The following TMEM178A variants were observed in gnomAD, a reference collection of about 807,000 sequenced individuals.
TMEM178A encodes transmembrane protein 178A.
TMEM178A carries 12 observed loss-of-function variants against 29.1 expected under a neutral mutation model. That is an observed-to-expected ratio of 0.41 (90% CI 0.26 to 0.67). The LOEUF (loss-of-function observed/expected upper bound fraction) is 0.67. Among genes scored for constraint, TMEM178A ranks in the 30% least tolerant of loss-of-function variants. TMEM178A has a pLI of 0.29. For synonymous variants in TMEM178A, 210 were observed against 187.2 expected, an observed-to-expected ratio of 1.12 and a Z score of -0.99; for missense variants, 366 against 419.1, an observed-to-expected ratio of 0.87 and a Z score of 1.11.
chr2:39,721,648 T>C (rs897699807), downstream of TMEM178A, among the ~76,000 whole-genome samples: 1 of 152,048 alleles, frequency 6.6e-6, no homozygotes, highest in Non-Finnish European at 1.5e-5. Context: ...CTCTGGTAAT[T>C]GAAAACAAAC....
the TMEM178A span, among the ~76,000 whole-genome samples, chr2:39,723,626 A>G: frequency 0.016 from 2,408 of 152,296 alleles, 37 homozygotes; most frequent in Non-Finnish European, 0.023. Flanking sequence ...GGACTGCCTC[A>G]GTACCTCCTC....
At chr2:39,693,126 CGAAAACAAAAAT>C (rs1572671582) in intron 1 of TMEM178A, among the ~76,000 whole-genome samples, 1 of 151,954 alleles carries the variant, frequency 6.6e-6, no homozygotes, top group South Asian at 2.1e-4. Context: ...AAAACAAAAA[CGAAAACAAAAAT>C]GAAAACAAAA....
rs191870348 is a variant in TMEM178A, at chr2:39,691,217, C to T, written c.401-12864C>T. ...GCAGTGAACATCCAGATCCACAATG[C>T]TCAAAGAACCCTTAATAGGCTGAAC... is the stretch of plus-strand genomic sequence containing the variant. On this transcript the variant is annotated intron_variant, in intron 1 of 3. Transcript: ENST00000281961. 1.6e-3 allele frequency among the ~76,000 whole-genome samples: 241 copies of T among 152,254 alleles called. 1 individual carries two copies. Among genetic ancestry groups the T allele is most frequent in the African/African-American group, 5.6e-3 (232 of 41,552 alleles).
At chr2:39,688,028 A>C (rs1474346606) in intron 1 of TMEM178A, among the ~76,000 whole-genome samples, 1 of 152,204 alleles carries the variant, frequency 6.6e-6, no homozygotes, top group Non-Finnish European at 1.5e-5. Context: ...CAGATGAGGG[A>C]AATGTCAGTA....
rs1454772424 is a variant in TMEM178A at position 39,714,336 on chromosome 2, T to G, written c.653-2674T>G. ...AAATAAAACAAGTCTGCATCAAAGT[T>G]TGATGCGTGCCCTGTTCCAAAAAAA... On this transcript the variant is annotated intron_variant, in intron 3 of 3. Coordinates refer to ENST00000281961, the MANE Select transcript of TMEM178A (RefSeq NM_152390.3). Among the ~76,000 whole-genome samples, 8 of 151,988 alleles carry G rather than the reference T, an allele frequency of 5.3e-5. No homozygotes were observed. The East Asian group carries it at 1.5e-3, about 29-fold the overall frequency.
At chr2:39,711,402 C>G (rs1480785973) in intron 3 of TMEM178A, among the ~76,000 whole-genome samples, 1 of 152,158 alleles carries the variant, frequency 6.6e-6, no homozygotes, top group Non-Finnish European at 1.5e-5. Context: ...TTTTAATTCA[C>G]CAGGAGTCTT....
downstream of TMEM178A, among the ~76,000 whole-genome samples, chr2:39,722,492 G>A (rs907372400): frequency 3.9e-5 from 6 of 152,266 alleles, no homozygotes; most frequent in South Asian, 2.1e-4. Context: ...ATTCCTCTCT[G>A]ATTTCCAGTT....
Position 39,717,459 on chromosome 2 carries a change from C to A in TMEM178A, c.*208C>A. 1.7e-6 allele frequency: 1 copy of A among 583,296 alleles called. No homozygotes were observed. The highest frequency in any genetic ancestry group is 2.7e-6 in the Non-Finnish European group (1 of 365,608). 36.1% of individuals were successfully genotyped at this position (583,296 alleles called of 1,614,324 possible). A position where few individuals can be genotyped will look rare whatever the true frequency, so the allele number is the denominator to read the frequency against. ...TCAAGTGCTTTAATGACTATTTATG[C>A]GTTGACTGTGAGAATAGGGAGCAGT... On this transcript the variant is annotated 3_prime_UTR_variant, in exon 4 of 4. Coordinates refer to ENST00000281961, the MANE Select transcript of TMEM178A (RefSeq NM_152390.3).
At chr2:39,728,410 G>C in the TMEM178A span, among the ~76,000 whole-genome samples, 1 of 152,050 alleles carries the variant, frequency 6.6e-6, no homozygotes, top group Admixed American at 6.6e-5. Flanking sequence ...CAGATCTACA[G>C]GCATTTATTT....
rs1377457107 is a variant in TMEM178A, at chr2:39,717,772, T to C, written c.*521T>C. On this transcript the variant is annotated 3_prime_UTR_variant, in exon 4 of 4. Transcript: ENST00000281961. ...TGTCACAGGAAGATTCTTCTTCTGT[T>C]GCCTTATTGTTTTTTTTTTTTTAAG... 2 of 153,302 alleles carry C rather than the reference T, an allele frequency of 1.3e-5. No homozygotes were observed. The highest frequency in any genetic ancestry group is 2.9e-5 in the Non-Finnish European group (2 of 68,736). 9.5% of individuals were successfully genotyped at this position (153,302 alleles called of 1,614,324 possible). A position where few individuals can be genotyped will look rare whatever the true frequency, so the allele number is the denominator to read the frequency against.
chr2:39,685,041 G>A (rs1671014209), intron 1 of TMEM178A, among the ~76,000 whole-genome samples: 1 of 152,128 alleles, frequency 6.6e-6, no homozygotes, highest in Non-Finnish European at 1.5e-5. Flanking sequence ...TCATGCAAGG[G>A]CCACAGTAAA....
intron 2 of TMEM178A, among the ~76,000 whole-genome samples, chr2:39,705,712 C>T (rs79963641): frequency 6.6e-6 from 1 of 152,300 alleles, no homozygotes; most frequent in South Asian, 2.1e-4. Flanking sequence ...AATCCATCCT[C>T]CATGAAGCCG....
At chr2:39,686,177 A>G (rs1462599078) in intron 1 of TMEM178A, among the ~76,000 whole-genome samples, 1 of 152,142 alleles carries the variant, frequency 6.6e-6, no homozygotes, top group Non-Finnish European at 1.5e-5. Flanking sequence ...TGGAAAATTC[A>G]CGTACTTCTG....
Position 39,666,078 on chromosome 2 carries a change from A to G in TMEM178A, c.104A>G (p.Asp35Gly). The G allele has an allele frequency of 6.4e-7, 1 of 1,567,564 alleles. No individual in the cohort carries two copies. The highest frequency in any genetic ancestry group is 8.6e-7 in the Non-Finnish European group (1 of 1,160,722). Residue 35 changes from aspartate (D) to glycine (G), a missense_variant, in exon 1 of 4, where the codon GAC becomes GGC. Asp to Gly is a moderately conservative substitution (Grantham distance 94, BLOSUM62 -1). Coordinates refer to ENST00000281961, the MANE Select transcript of TMEM178A (RefSeq NM_152390.3). ...TTCACCGACCACTGGTACGAGACCG[A>G]CCCCCGGCGCCACAAGGAGAGCTGC... ...AIFTDHWYET[D>G]PRRHKESCER...
At chr2:39,702,669 CA>C (rs1671835714) in intron 1 of TMEM178A, among the ~76,000 whole-genome samples, 1 of 131,908 alleles carries the variant, frequency 7.6e-6, no homozygotes, top group African/African-American at 2.8e-5. Flanking sequence ...GTTGAAAAAA[CA>C]AATTAAAAAA....
intron 1 of TMEM178A, among the ~76,000 whole-genome samples, chr2:39,702,451 G>A (rs1671825316): frequency 6.6e-6 from 1 of 152,136 alleles, no homozygotes; most frequent in African/African-American, 2.4e-5. Context: ...CTCAGGGTCA[G>A]TCTGATGAGT....
intron 1 of TMEM178A, among the ~76,000 whole-genome samples, chr2:39,686,191 C>A (rs1671069752): frequency 6.6e-6 from 1 of 152,104 alleles, no homozygotes; most frequent in Non-Finnish European, 1.5e-5. Context: ...ACTTCTGAGC[C>A]CTGCAGGGAA....
downstream of TMEM178A, among the ~76,000 whole-genome samples, chr2:39,719,934 C>T (rs1187006557): frequency 6.6e-6 from 1 of 152,096 alleles, no homozygotes; most frequent in East Asian, 1.9e-4. Context: ...CTATTATGTG[C>T]TCACATTCTA....
At chr2:39,720,611 TA>T (rs1322127657), downstream of TMEM178A, among the ~76,000 whole-genome samples, 1 of 152,190 alleles carries the variant, frequency 6.6e-6, no homozygotes, top group Non-Finnish European at 1.5e-5. Context: ...TGGCAACCCA[TA>T]ACCAGATCAT....
Sources: allele counts gnomAD v4.1 joint callset (sites outside exome capture counted in the v4.1 genomes callset), GRCh38; gene constraint gnomAD v4.1.1; transcripts MANE v1.5; gene names NCBI Gene and HGNC (gene_info 2026-07-23, HGNC 2026-07-21).